Variants in ARHGAP26 observed in about 807,000 individuals in gnomAD.
ARHGAP26 encodes Rho GTPase activating protein 26, also known as rho GTPase-activating protein 26.
A neutral mutation model predicts 104.8 loss-of-function variants in ARHGAP26; 38 were observed. The ratio of observed to expected loss-of-function variants is 0.36; its 90% CI spans 0.28 to 0.48. ARHGAP26 has a LOEUF of 0.48. Ranked by LOEUF, ARHGAP26 falls within the 20% of genes least tolerant of loss-of-function variation. The pLI, the probability that ARHGAP26 is intolerant of heterozygous loss-of-function variation, is 0.99. For synonymous variants in ARHGAP26, 341 were observed against 340.0 expected (o/e 1.00, Z -0.03); for missense variants, 704 against 947.9 (o/e 0.74, Z 3.38).
intron 17 of ARHGAP26, among the ~76,000 whole-genome samples, chr5:143,111,634 T>C (rs1178500865): frequency 6.6e-6 from 1 of 152,130 alleles, no homozygotes; most frequent in East Asian, 1.9e-4. Flanking sequence ...CAGAAATGGA[T>C]AAAGAAAAGG....
chr5:143,097,406 C>T (rs1249102689), intron 17 of ARHGAP26, among the ~76,000 whole-genome samples: 1 of 128,456 alleles, frequency 7.8e-6, no homozygotes, highest in East Asian at 2.3e-4. Flanking sequence ...CTGTAAAGTA[C>T]AAATCAGAGG....
rs867399351 is a variant in ARHGAP26, at chr5:142,993,315, G to A, written c.1108-20765G>A. ...CTCCCGAGTAGCTGGGACTACAGGCGCCCGCCACCGCGCCCGGCTAATTTT... is the reference window on the plus strand; with the variant it reads ...CTCCCGAGTAGCTGGGACTACAGGCACCCGCCACCGCGCCCGGCTAATTTT... On this transcript the variant is annotated intron_variant, in intron 11 of 22. Coordinates refer to ENST00000645722, the MANE Select transcript of ARHGAP26 (RefSeq NM_001135608.3). Among the ~76,000 whole-genome samples the A allele has an allele frequency of 2.9e-3, 445 of 151,964 alleles. 3 individuals are homozygous for A. Among genetic ancestry groups the A allele is most frequent in the African/African-American group, 9.6e-3 (398 of 41,474 alleles).
intron 17 of ARHGAP26, among the ~76,000 whole-genome samples, chr5:143,099,970 G>C (rs941840687): frequency 6.6e-6 from 1 of 152,174 alleles, no homozygotes; most frequent in Non-Finnish European, 1.5e-5. Context: ...ATAAATATCA[G>C]ACTAACCAAA....
At position 143,110,980 on chromosome 5, in the gene ARHGAP26, T is replaced by C. The variant is rs1325728564; in HGVS notation, c.1539-10008T>C. Among the ~76,000 whole-genome samples the C allele has an allele frequency of 5.3e-5, 8 of 152,318 alleles. No individual in the cohort carries two copies. In the East Asian group the frequency reaches 1.2e-3, roughly 22 times the overall value. On this transcript the variant is annotated intron_variant, in intron 17 of 22. Transcript: ENST00000645722. ...CTCAAATCCCAGGTAGCTGAGACAA[T>C]GTAGGGCAAATAAAATGCAGGTTGG...
chr5:142,885,416 G>A lies in ARHGAP26; in HGVS notation c.486+17G>A. 6.3e-7 allele frequency: 1 copy of A among 1,588,874 alleles called. No individual in the cohort carries two copies. The highest frequency in any genetic ancestry group is 2.2e-5 in the East Asian group (1 of 44,680). ...CTTCAGGAGGTAAGAGACTTTATTA[G>A]TATCCTGAATAAAGTGTTCAATTTG... On this transcript the variant is annotated intron_variant, in intron 5 of 22. Coordinates refer to ENST00000645722, the MANE Select transcript of ARHGAP26 (RefSeq NM_001135608.3).
intron 22 of ARHGAP26, among the ~76,000 whole-genome samples, chr5:143,221,484 G>A (rs1220888791): frequency 6.6e-6 from 1 of 151,064 alleles, no homozygotes; most frequent in Admixed American, 6.6e-5. Context: ...CAGGGGGTAA[G>A]GATTTGAAGG....
intron 20 of ARHGAP26, chr5:143,202,455 A>G (rs879845846): frequency 3.9e-5 from 6 of 152,236 alleles, no homozygotes; most frequent in Non-Finnish European, 7.3e-5. Context: ...GTTCATGGAT[A>G]GGAAGAATCA....
At chr5:143,162,972 C>T (rs1801451443) in intron 20 of ARHGAP26, among the ~76,000 whole-genome samples, 1 of 151,852 alleles carries the variant, frequency 6.6e-6, no homozygotes, top group Non-Finnish European at 1.5e-5. Flanking sequence ...AAAAAGTTAG[C>T]TGAGTGTGGT....
Position 143,166,534 on chromosome 5 carries a change from C to T in ARHGAP26, c.1988+19153C>T, listed in dbSNP as rs148628594. ...CTCTGGCTTATTCTTTCCCACCATT[C>T]TGTGCCTGGGCTTTACTCTCCCTCA... On this transcript the variant is annotated intron_variant, in intron 20 of 22. Transcript: ENST00000645722. Among the ~76,000 whole-genome samples, 253 of 152,302 alleles carry T rather than the reference C, an allele frequency of 1.7e-3. 1 individual carries two copies. The highest frequency in any genetic ancestry group is 6.8e-3 in the Middle Eastern group (2 of 294).
chr5:143,042,857 T>C (rs1450407754), intron 14 of ARHGAP26, among the ~76,000 whole-genome samples: 1 of 152,260 alleles, frequency 6.6e-6, no homozygotes, highest in Non-Finnish European at 1.5e-5. Flanking sequence ...AACCCTATTG[T>C]ATTGCTAGTT....
intron 20 of ARHGAP26, among the ~76,000 whole-genome samples, chr5:143,206,160 G>C (rs1808512890): frequency 6.6e-6 from 1 of 152,204 alleles, no homozygotes; most frequent in African/African-American, 2.4e-5. Context: ...TAGAAAGTCT[G>C]TTCCCCTTGA....
rs139976684 is a variant in ARHGAP26, at chr5:143,152,354, T to C, written c.1988+4973T>C. ...AGAGAGGGTATGTGTAAAACTTTCA[T>C]GCAATTTTTCTGTAAACCCAAAACT... On this transcript the variant is annotated intron_variant, in intron 20 of 22. Coordinates refer to ENST00000645722, the MANE Select transcript of ARHGAP26 (RefSeq NM_001135608.3). Among the ~76,000 whole-genome samples the C allele has an allele frequency of 4.9e-3, 746 of 152,320 alleles. 5 individuals carry two copies. Among genetic ancestry groups the C allele is most frequent in the African/African-American group, 0.017 (686 of 41,570 alleles).
chr5:143,204,878 C>T (rs1304100215), intron 20 of ARHGAP26, among the ~76,000 whole-genome samples: 2 of 151,934 alleles, frequency 1.3e-5, no homozygotes, highest in Non-Finnish European at 2.9e-5. Flanking sequence ...CAGATTGGTA[C>T]AAGCCCCTGG....
intron 20 of ARHGAP26, among the ~76,000 whole-genome samples, chr5:143,149,891 T>A (rs980059825): frequency 6.6e-6 from 1 of 152,236 alleles, no homozygotes; most frequent in African/African-American, 2.4e-5. Flanking sequence ...TCACTATTTT[T>A]CATAATGACT....
intron 13 of ARHGAP26, among the ~76,000 whole-genome samples, chr5:143,038,220 T>C (rs768184925): frequency 2.3e-4 from 35 of 152,206 alleles, no homozygotes; most frequent in Middle Eastern, 6.3e-3. Flanking sequence ...TAAAGCAGGA[T>C]TCATAACTTG....
chr5:142,958,168 A>G (rs115735591), intron 11 of ARHGAP26, among the ~76,000 whole-genome samples: 1,978 of 151,632 alleles, frequency 0.013, 43 homozygotes, highest in African/African-American at 0.046. Context: ...CCTTCCCCCC[A>G]TTTCTCCTCC....
At chr5:142,771,253 G>T in intron 1 of ARHGAP26, 1 of 1,252,836 alleles carries the variant, frequency 8.0e-7, no homozygotes. Context: ...CGCAGCCAGC[G>T]GGCAGATCCC....
At position 142,992,281 on chromosome 5, in the gene ARHGAP26, T is replaced by C. The variant is rs185157649; in HGVS notation, c.1108-21799T>C. 1.5e-3 allele frequency among the ~76,000 whole-genome samples: 233 copies of C among 152,254 alleles called. 1 individual carries two copies. The highest frequency in any genetic ancestry group is 5.3e-3 in the African/African-American group (222 of 41,552). On this transcript the variant is annotated intron_variant, in intron 11 of 22. Coordinates refer to ENST00000645722, the MANE Select transcript of ARHGAP26 (RefSeq NM_001135608.3). ...CCTGAGATTTGTTTTGGCATCAAGA[T>C]GTAAGGTGAAGACCAACCTTGATTT...
rs762332039 is a variant in ARHGAP26 at position 143,142,134 on chromosome 5, C to CTT, written c.1838-5076_1838-5075dup. Among the ~76,000 whole-genome samples the CTT allele has an allele frequency of 3.3e-3, 345 of 105,346 alleles. 13 individuals are homozygous for CTT. The highest frequency in any genetic ancestry group is 0.026 in the Middle Eastern group (4 of 154). 69.1% of individuals were successfully genotyped at this position (105,346 alleles called of 152,430 possible). On this transcript the variant is annotated intron_variant, in intron 19 of 22. Coordinates refer to ENST00000645722, the MANE Select transcript of ARHGAP26 (RefSeq NM_001135608.3). ...AACAACAGATTGACTCTACTTTTCA[C>CTT]TTTTTTTTTTTTTTTTTTTTTTGAG...
Sources: allele counts gnomAD v4.1 joint callset (sites outside exome capture counted in the v4.1 genomes callset), GRCh38; gene constraint gnomAD v4.1.1; transcripts MANE v1.5; gene names NCBI Gene and HGNC (gene_info 2026-07-23, HGNC 2026-07-21).